AOPEP: variants seen among roughly 807,000 people sequenced by gnomAD.
AOPEP encodes aminopeptidase O (putative).
A neutral mutation model predicts 98.1 loss-of-function variants in AOPEP; 77 were observed. The observed-to-expected ratio is 0.78, with a 90% CI of 0.65 to 0.95. The LOEUF (loss-of-function observed/expected upper bound fraction) is 0.95. Among genes scored for constraint, AOPEP ranks in the 40% least tolerant of loss-of-function variants. The pLI, the probability that AOPEP is intolerant of heterozygous loss-of-function variation, is 0.00. For synonymous variants in AOPEP, 346 were observed against 365.3 expected (o/e 0.95, Z 0.60); for missense variants, 1,024 against 1,024.7 (o/e 1.00, Z 0.01).
intron 5 of AOPEP, among the ~76,000 whole-genome samples, chr9:94,912,898 C>T (rs2052287650): frequency 6.6e-6 from 1 of 152,222 alleles, no homozygotes; most frequent in Admixed American, 6.5e-5. Flanking sequence ...CCAGTCACTG[C>T]ACCAGCCCCA....
chr9:94,747,096 C>T (rs1417706358), intron 1 of AOPEP, among the ~76,000 whole-genome samples: 1 of 148,526 alleles, frequency 6.7e-6, no homozygotes, highest in Non-Finnish European at 1.5e-5. Flanking sequence ...ATTACATGAT[C>T]ACAAATTATA....
At chr9:94,960,199 C>T (rs1484528727) in intron 9 of AOPEP, among the ~76,000 whole-genome samples, 5 of 152,072 alleles carry the variant, frequency 3.3e-5, no homozygotes, top group Non-Finnish European at 7.4e-5. Flanking sequence ...ATCATGAGGT[C>T]AGGAGTTCGA....
chr9:94,756,205 A>G (rs1482227745), intron 1 of AOPEP, among the ~76,000 whole-genome samples: 1 of 148,284 alleles, frequency 6.7e-6, no homozygotes, highest in African/African-American at 2.5e-5. Flanking sequence ...GCTTACAGTG[A>G]GCTGAGATTG....
chr9:94,774,793 C>T (rs1841713876), intron 3 of AOPEP, among the ~76,000 whole-genome samples: 1 of 152,138 alleles, frequency 6.6e-6, no homozygotes, highest in African/African-American at 2.4e-5. Context: ...TCCAGAAAGG[C>T]TGTGCCAATT....
chr9:95,001,518 T>C (rs2061556775), intron 11 of AOPEP, among the ~76,000 whole-genome samples: 1 of 152,174 alleles, frequency 6.6e-6, no homozygotes, highest in Non-Finnish European at 1.5e-5. Flanking sequence ...AAAAAAGCGG[T>C]CTTCCAGTTT....
intron 10 of AOPEP, among the ~76,000 whole-genome samples, chr9:94,970,797 A>G (rs2059490003): frequency 6.6e-6 from 1 of 151,676 alleles, no homozygotes; most frequent in African/African-American, 2.4e-5. Context: ...TGCAGGATAT[A>G]TTTTTTCCTT....
intron 13 of AOPEP, among the ~76,000 whole-genome samples, chr9:95,009,249 A>G (rs951927047): frequency 6.6e-6 from 1 of 151,676 alleles, no homozygotes; most frequent in Non-Finnish European, 1.5e-5. Flanking sequence ...CAAAGATAAA[A>G]TTGTGTGCCA....
At chr9:94,759,508 G>T (rs1005055308) in intron 1 of AOPEP, 141 bp from the exon 2 acceptor site, 17 of 364,986 alleles carry the variant, frequency 4.7e-5, no homozygotes, top group Non-Finnish European at 8.4e-5. Context: ...CAGTAGAAAA[G>T]ATAAGTCAGC....
In AOPEP at chr9:95,063,244, C is replaced by G. The variant is rs78966087; in HGVS notation, c.2232+2434C>G. ...TTGACAGCTAACTCTGGGAACAAAACATGTTATCTAAGATCCCTTTTTAAG... is the reference window on the plus strand; with the variant it reads ...TTGACAGCTAACTCTGGGAACAAAAGATGTTATCTAAGATCCCTTTTTAAG... On this transcript the variant is annotated intron_variant, in intron 14 of 16. Transcript: ENST00000375315. Among the ~76,000 whole-genome samples the G allele has an allele frequency of 3.8e-3, 586 of 152,308 alleles. 15 individuals carry two copies. The East Asian group carries it at 0.05, about 13-fold the overall frequency.
rs1844667665 is a variant in AOPEP, at chr9:94,787,394, C to T, written c.965-5371C>T. Among the ~76,000 whole-genome samples the T allele has an allele frequency of 2.0e-5, 3 of 152,318 alleles. No individual in the cohort carries two copies. In the South Asian group the frequency reaches 6.2e-4, roughly 32 times the overall value. Reference sequence around the variant, plus strand: ...CCTTGTGCAGGGATCTAACAAATACCTCTACTCCATTAGCAGTGTTTTCTC... The same window carrying T: ...CCTTGTGCAGGGATCTAACAAATACTTCTACTCCATTAGCAGTGTTTTCTC... On this transcript the variant is annotated intron_variant, in intron 3 of 16. Coordinates refer to ENST00000375315, the MANE Select transcript of AOPEP (RefSeq NM_001193329.3).
intron 13 of AOPEP, among the ~76,000 whole-genome samples, chr9:95,051,465 A>G (rs1030169037): frequency 6.6e-6 from 1 of 152,070 alleles, no homozygotes; most frequent in African/African-American, 2.4e-5. Flanking sequence ...CAAGGAGACT[A>G]TGGAAGGCAA....
At chr9:95,052,453 C>T (rs747370043) in intron 13 of AOPEP, among the ~76,000 whole-genome samples, 21 of 152,162 alleles carry the variant, frequency 1.4e-4, no homozygotes, top group Non-Finnish European at 2.5e-4. Flanking sequence ...GTTTTTTCCC[C>T]ATTTGCTAAT....
intron 5 of AOPEP, among the ~76,000 whole-genome samples, chr9:94,812,188 C>G (rs1850759587): frequency 6.6e-6 from 1 of 152,132 alleles, no homozygotes; most frequent in African/African-American, 2.4e-5. Flanking sequence ...TGTAATACTT[C>G]CTTAAACTTG....
chr9:94,917,476 T>C (rs2053001043), intron 5 of AOPEP, among the ~76,000 whole-genome samples: 1 of 152,192 alleles, frequency 6.6e-6, no homozygotes, highest in Non-Finnish European at 1.5e-5. Flanking sequence ...TTTTGGAGCC[T>C]TTCCCTGGCC....
intron 11 of AOPEP, among the ~76,000 whole-genome samples, chr9:94,993,810 T>A (rs1325574551): frequency 1.3e-5 from 2 of 152,120 alleles, no homozygotes; most frequent in Non-Finnish European, 2.9e-5. Flanking sequence ...TTCACCAACT[T>A]TATTGGCATG....
At chr9:94,936,903 C>T (rs560580158) in intron 7 of AOPEP, among the ~76,000 whole-genome samples, 2 of 152,318 alleles carry the variant, frequency 1.3e-5, no homozygotes, top group Admixed American at 1.3e-4. Context: ...ACAAGGGATA[C>T]AGGTGAAGAG....
intron 13 of AOPEP, among the ~76,000 whole-genome samples, chr9:95,035,184 T>G (rs1031790008): frequency 6.6e-6 from 1 of 151,942 alleles, no homozygotes; most frequent in African/African-American, 2.4e-5. Context: ...GTGTTCTCAT[T>G]GTTCAATTCC....
At chr9:95,122,263 T>G in the AOPEP span, among the ~76,000 whole-genome samples, 1 of 152,194 alleles carries the variant, frequency 6.6e-6, no homozygotes, top group East Asian at 1.9e-4. Context: ...ATACTCATTT[T>G]ATTAAGAAGG....
chr9:95,034,265 A>G (rs2064579223), intron 13 of AOPEP, among the ~76,000 whole-genome samples: 1 of 152,240 alleles, frequency 6.6e-6, no homozygotes, highest in Non-Finnish European at 1.5e-5. Context: ...TTTATATAGT[A>G]ATTTGGACAG....
Sources: gnomAD v4.1 joint callset for allele counts (sites outside exome capture counted in the v4.1 genomes callset) on GRCh38, gnomAD v4.1.1 for gene constraint, MANE v1.5 for transcripts, NCBI Gene and HGNC (gene_info 2026-07-23, HGNC 2026-07-21) for gene names.